ADGRG2: variants seen among roughly 807,000 people sequenced by gnomAD.
ADGRG2 encodes the protein G protein-coupled receptor 64.
Under a neutral mutation model 74.1 loss-of-function variants are expected in ADGRG2, and 26 were observed. The observed-to-expected ratio is 0.35, with a 90% CI of 0.26 to 0.49. The LOEUF (loss-of-function observed/expected upper bound fraction) is 0.49, where lower values mean the gene tolerates loss of function less well. Among genes scored for constraint, ADGRG2 ranks in the 20% least tolerant of loss-of-function variants. The probability of loss-of-function intolerance (pLI) is 0.99; values close to 1 mark genes in which losing one functional copy is unlikely to be tolerated. For missense variants in ADGRG2, 619 were observed against 763.1 expected, an observed-to-expected ratio of 0.81 and a Z score of 2.22; for synonymous variants, 296 against 295.2, an observed-to-expected ratio of 1.00 and a Z score of -0.03.
rs139812021 is a variant in ADGRG2 at position 19,108,547 on chromosome X, G to A, written c.-47+13895C>T. 5.0e-3 allele frequency among the ~76,000 whole-genome samples: 559 copies of A among 112,364 alleles called. 4 individuals are homozygous for A. The highest frequency in any genetic ancestry group is 0.017 in the African/African-American group (524 of 30,954). ...AACAAAGGCCATCAGCAGTAGAAAG[G>A]ATAAACCATGGTAATCATGCAACGG... On this transcript the variant is annotated intron_variant, in intron 1 of 28. Coordinates refer to ENST00000379869, the MANE Select transcript of ADGRG2 (RefSeq NM_001079858.3).
intron 3 of ADGRG2, among the ~76,000 whole-genome samples, chrX:19,043,857 T>C (rs747016481): frequency 1.0e-4 from 11 of 110,122 alleles, no homozygotes; most frequent in Non-Finnish European, 1.9e-5. Context: ...CTTGCTGTCA[T>C]TGCTTCTCCA....
intron 1 of ADGRG2, among the ~76,000 whole-genome samples, chrX:19,114,125 G>A (rs1444774939): frequency 1.9e-5 from 2 of 107,972 alleles, no homozygotes; most frequent in African/African-American, 6.7e-5. Flanking sequence ...AGACAAAGAG[G>A]ATGAGGGACC....
At chrX:19,093,474 C>A (rs2062043894) in intron 1 of ADGRG2, among the ~76,000 whole-genome samples, 2 of 111,735 alleles carry the variant, frequency 1.8e-5, no homozygotes, top group African/African-American at 6.5e-5. Context: ...TGGGAGAAAA[C>A]GTGCTCATGG....
intron 23 of ADGRG2, among the ~76,000 whole-genome samples, chrX:19,004,035 A>C (rs1055313353): frequency 9.8e-5 from 11 of 112,460 alleles, no homozygotes; most frequent in Admixed American, 6.6e-4. Context: ...GCTCACTAGA[A>C]GATCCGTAGT....
At chrX:19,072,401 C>T (rs7892209) in intron 2 of ADGRG2, among the ~76,000 whole-genome samples, 168 of 111,396 alleles carry the variant, frequency 1.5e-3, no homozygotes, top group African/African-American at 5.2e-3. Context: ...TGTTTTGAGT[C>T]CATCAGGTGA....
chrX:19,019,561 T>C (rs1218014809), intron 15 of ADGRG2, 38 bp downstream of exon 15: 3 of 748,937 alleles, frequency 4.0e-6, no homozygotes, highest in Non-Finnish European at 6.0e-6. Flanking sequence ...TTTTTTTTTT[T>C]TTTTTTAAGG....
intron 1 of ADGRG2, among the ~76,000 whole-genome samples, chrX:19,099,928 G>C (rs191853449): frequency 9.0e-6 from 1 of 111,422 alleles, no homozygotes; most frequent in African/African-American, 3.3e-5. Flanking sequence ...CCAGCTACTT[G>C]GGAGGCTGAG....
At chrX:19,104,831 C>T (rs1413909913) in intron 1 of ADGRG2, among the ~76,000 whole-genome samples, 5 of 101,232 alleles carry the variant, frequency 4.9e-5, no homozygotes, top group African/African-American at 1.9e-4. Context: ...GGAGCAGAAT[C>T]GCTTGAACCC....
intron 14 of ADGRG2, 140 bp from the exon 15 acceptor site, chrX:19,019,805 T>C (rs1320736641): frequency 1.6e-5 from 7 of 431,022 alleles, no homozygotes; most frequent in African/African-American, 9.9e-5. Flanking sequence ...ATAAAATAGA[T>C]TGGACGCCAT....
chrX:19,001,056 G>A (rs896198139), intron 24 of ADGRG2, among the ~76,000 whole-genome samples: 8 of 111,194 alleles, frequency 7.2e-5, no homozygotes, highest in Non-Finnish European at 1.5e-4. Flanking sequence ...ACTTATACAT[G>A]TCTGGAATGT....
At chrX:19,053,256 C>G (rs770640445) in intron 3 of ADGRG2, among the ~76,000 whole-genome samples, 1 of 111,043 alleles carries the variant, frequency 9.0e-6, no homozygotes, top group East Asian at 2.8e-4. Context: ...GTACATTGGG[C>G]AAGACACGAT....
At chrX:19,093,926 CACACACACACA>C (rs768282655) in intron 1 of ADGRG2, among the ~76,000 whole-genome samples, 6 of 105,610 alleles carry the variant, frequency 5.7e-5, no homozygotes, top group Admixed American at 3.0e-4. Flanking sequence ...CACACACACA[CACACACACACA>C]CCCCATGGAA....
At chrX:19,009,542 A>C in intron 18 of ADGRG2, 84 bp downstream of exon 18, 2 of 839,147 alleles carry the variant, frequency 2.4e-6, no homozygotes, top group Non-Finnish European at 3.6e-6. Context: ...GACTATAAGC[A>C]GTAATTGCCT....
At chrX:19,015,048 C>T (rs1376493652) in intron 15 of ADGRG2, among the ~76,000 whole-genome samples, 1 of 111,795 alleles carries the variant, frequency 8.9e-6, no homozygotes, top group Non-Finnish European at 1.9e-5. Context: ...TGGTGATTTT[C>T]ATGGGCATCA....
intron 2 of ADGRG2, among the ~76,000 whole-genome samples, chrX:19,079,056 G>GA (rs2061801717): frequency 9.0e-6 from 1 of 111,366 alleles, no homozygotes; most frequent in Admixed American, 9.6e-5. Context: ...CAAATTTCTA[G>GA]AAAAAAATAC....
chrX:19,105,865 T>A (rs2062277797), intron 1 of ADGRG2, among the ~76,000 whole-genome samples: 1 of 95,779 alleles, frequency 1.0e-5, no homozygotes, highest in Non-Finnish European at 2.0e-5. Context: ...GAGGCGGAGG[T>A]TGCAGTGAGC....
At chrX:19,065,621 T>C (rs888447650) in intron 3 of ADGRG2, among the ~76,000 whole-genome samples, 2 of 112,149 alleles carry the variant, frequency 1.8e-5, no homozygotes, top group African/African-American at 3.2e-5. Context: ...GGATGAATTT[T>C]TTCCCTTGTG....
intron 28 of ADGRG2, among the ~76,000 whole-genome samples, chrX:18,991,997 C>T: frequency 8.9e-6 from 1 of 111,913 alleles, no homozygotes; most frequent in East Asian, 2.8e-4. Flanking sequence ...GGTCACACAG[C>T]TCAGAAGTAA....
chrX:19,107,232 T>A (rs5955698), intron 1 of ADGRG2, among the ~76,000 whole-genome samples: 15,032 of 111,534 alleles, frequency 0.13, 894 homozygotes, highest in African/African-American at 0.23. Flanking sequence ...TTTAACAAGA[T>A]CCCCAGGCAA....
Sources: allele counts gnomAD v4.1 joint callset (sites outside exome capture counted in the v4.1 genomes callset), GRCh38; gene constraint gnomAD v4.1.1; transcripts MANE v1.5; gene names NCBI Gene and HGNC (gene_info 2026-07-23, HGNC 2026-07-21).